Variants in PPP6R1 observed in about 807,000 individuals in gnomAD.
PPP6R1 encodes the protein serine/threonine-protein phosphatase 6 regulatory subunit 1.
Under a neutral mutation model 104.6 loss-of-function variants are expected in PPP6R1, and 39 were observed. The ratio of observed to expected loss-of-function variants is 0.37; its 90% CI spans 0.29 to 0.49. The LOEUF is 0.49. Among genes scored for constraint, PPP6R1 ranks in the 20% least tolerant of loss-of-function variants. The probability of loss-of-function intolerance (pLI) is 0.98; values close to 1 mark genes in which losing one functional copy is unlikely to be tolerated. For missense variants in PPP6R1, 1,181 were observed against 1,155.8 expected (o/e 1.02, Z -0.32); for synonymous variants, 549 against 479.0 (o/e 1.15, Z -1.91).
downstream of PPP6R1, chr19:55,228,840 T>A: frequency 1.6e-6 from 2 of 1,230,250 alleles, no homozygotes; most frequent in South Asian, 2.6e-5. Context: ...AGGAGCGTCC[T>A]GTGGACTCTG....
Position 55,258,510 on chromosome 19 carries a change from C to G in PPP6R1, c.-82G>C, listed in dbSNP as rs894757050. 6.7e-6 allele frequency: 1 copy of G among 149,890 alleles called. No individual in the cohort carries two copies. The highest frequency in any genetic ancestry group is 1.5e-5 in the Non-Finnish European group (1 of 67,270). 9.3% of individuals were successfully genotyped at this position (149,890 alleles called of 1,614,324 possible). A position where few individuals can be genotyped will look rare whatever the true frequency, so the allele number is the denominator to read the frequency against. ...CCCCCCGCCCCGCCGCCGGCGGCTC[C>G]GGCCCCTGCTGCGGGGCCCGGTGAG... is the stretch of plus-strand genomic sequence containing the variant. On this transcript the variant is annotated 5_prime_UTR_variant, in exon 1 of 24. Coordinates refer to ENST00000412770, the MANE Select transcript of PPP6R1 (RefSeq NM_014931.4).
chr19:55,253,339 GC>G (rs1314764480), intron 1 of PPP6R1, among the ~76,000 whole-genome samples: 2 of 152,234 alleles, frequency 1.3e-5, no homozygotes, highest in African/African-American at 4.8e-5. Flanking sequence ...TCACACTGAG[GC>G]CCACCGTTCA....
rs1360484989 is a variant in PPP6R1, at chr19:55,245,659, C to T, written c.247G>A (p.Glu83Lys). 7 of 1,607,638 alleles carry T rather than the reference C, an allele frequency of 4.4e-6. No individual in the cohort carries two copies. The highest frequency in any genetic ancestry group is 2.2e-5 in the East Asian group (1 of 44,856). ...TGGGGCACATCTGAGGTCAGAATCT[C>T]GCAGGCCACACTGGGGTACCTGGGA... ...LRYKYPSVAC[E>K]ILTSDVPQIN... is the part of the protein sequence containing the mutation. Residue 83 changes from glutamate (E) to lysine (K), a missense_variant, in exon 3 of 24, where the codon GAG becomes AAG. Coordinates refer to ENST00000412770, the MANE Select transcript of PPP6R1 (RefSeq NM_014931.4). This position sits in a 1 kb window ranked among gnomAD's most constrained non-coding sequence, Gnocchi z 6.4.
chr19:55,256,097 A>G (rs927591216), intron 1 of PPP6R1, among the ~76,000 whole-genome samples: 3 of 152,214 alleles, frequency 2.0e-5, no homozygotes, highest in Admixed American at 1.3e-4. Flanking sequence ...AAAAATGGGC[A>G]GGGGGACCAG....
intron 19 of PPP6R1, 54 bp from the exon 20 acceptor site, chr19:55,231,722 T>C (rs2122514507): frequency 1.3e-6 from 2 of 1,524,690 alleles, no homozygotes; most frequent in Non-Finnish European, 8.8e-7. Flanking sequence ...CACTCGAGCC[T>C]ATGAGAGGAC....
At chr19:55,235,184 G>A (rs1024665818) in intron 17 of PPP6R1, among the ~76,000 whole-genome samples, 15 of 150,900 alleles carry the variant, frequency 9.9e-5, no homozygotes, top group African/African-American at 2.7e-4. Flanking sequence ...TCATCACAGC[G>A]ACTCTGGGGC....
At chr19:55,239,717 A>T in intron 13 of PPP6R1, 34 bp from the exon 14 acceptor site, 1 of 1,591,034 alleles carries the variant, frequency 6.3e-7, no homozygotes. Flanking sequence ...GGCCTGCTGG[A>T]GCCCCCAGAC....
Position 55,239,883 on chromosome 19 carries a change from C to T in PPP6R1, c.1506G>A (p.Trp502Ter). The change falls in exon 13 of 24, where the codon TGG (tryptophan) becomes TGA (stop). Residue 502 changes from tryptophan (W) to a stop codon, truncating the protein, a stop_gained. Coordinates refer to ENST00000412770, the MANE Select transcript of PPP6R1 (RefSeq NM_014931.4). LOFTEE classifies it high-confidence loss of function. ...CCAGGGGCCCCGATACGAAGGCTTC[C>T]CACTGCTCCTGCTGCTCGCTGGGCA... ...KELPSEQQEQ[W>*]EAFVSGPLAE... is the part of the protein sequence containing the mutation. 6.2e-7 allele frequency: 1 copy of T among 1,613,932 alleles called. No individual in the cohort carries two copies. Among genetic ancestry groups the T allele is most frequent in the Non-Finnish European group, 8.5e-7 (1 of 1,179,870 alleles).
chr19:55,243,404 C>CAAAAAAAAAAAAAAAAAA (rs58375899), intron 5 of PPP6R1, among the ~76,000 whole-genome samples: 19 of 49,124 alleles, frequency 3.9e-4, no homozygotes, highest in African/African-American at 1.1e-3. Flanking sequence ...GACTCCATCT[C>CAAAAAAAAAAAAAAAAAA]AAAAAAAAAA....
rs1216843374 is a variant in PPP6R1 at position 55,245,986 on chromosome 19, G to A, written c.228-308C>T. ...ACACTCATCCCTTTTGCCTCTCAGC[G>A]GCTTCACTTGCAACCCCGTATGCTG... On this transcript the variant is annotated intron_variant, in intron 2 of 23. Coordinates refer to ENST00000412770, the MANE Select transcript of PPP6R1 (RefSeq NM_014931.4). The surrounding 1 kb of genome is among the most constrained non-coding windows in gnomAD (Gnocchi z 6.4). 2.6e-5 allele frequency among the ~76,000 whole-genome samples: 4 copies of A among 152,080 alleles called. No homozygotes were observed. Among genetic ancestry groups the A allele is most frequent in the East Asian group, 1.9e-4 (1 of 5,188 alleles).
chr19:55,248,644 T>A (rs976053680), intron 1 of PPP6R1, among the ~76,000 whole-genome samples: 1 of 151,960 alleles, frequency 6.6e-6, no homozygotes, highest in African/African-American at 2.4e-5. Flanking sequence ...GCCTCCACCA[T>A]CTCCTCGAGC....
At chr19:55,253,916 AG>A (rs2087572887) in intron 1 of PPP6R1, among the ~76,000 whole-genome samples, 1 of 152,210 alleles carries the variant, frequency 6.6e-6, no homozygotes, top group South Asian at 2.1e-4. Flanking sequence ...AAGGAGACAC[AG>A]CCCACCAGGG....
At chr19:55,242,608 GA>G in intron 5 of PPP6R1, 120 bp from the exon 6 acceptor site, 1 of 806,808 alleles carries the variant, frequency 1.2e-6, no homozygotes, top group South Asian at 1.5e-5. Flanking sequence ...CAGACACAGG[GA>G]CACGTGTTAC....
intron 17 of PPP6R1, among the ~76,000 whole-genome samples, chr19:55,234,809 CAG>C (rs373177107): frequency 6.6e-6 from 1 of 152,172 alleles, no homozygotes; most frequent in African/African-American, 2.4e-5. Context: ...AGCTCACAAG[CAG>C]AGTGTTGAGC....
rs2087455423 is a variant in PPP6R1, at chr19:55,241,342, T to C, written c.1058A>G (p.Asn353Ser). ...TWGMLAPPLG[N>S]TRLHVVKLLA... Reference sequence around the variant, plus strand: ...GAGCTTGACCACGTGCAGCCGCGTGTTGCCCAGAGGCGGAGCCAGCATGCC... The same window carrying C: ...GAGCTTGACCACGTGCAGCCGCGTGCTGCCCAGAGGCGGAGCCAGCATGCC... Residue 353 changes from asparagine (N) to serine (S), a missense_variant, in exon 9 of 24, where the codon AAC becomes AGC. Asn to Ser is a conservative substitution (Grantham distance 46). Around this residue, in one of 2 missense-constraint regions of PPP6R1, gnomAD observed 1,042 missense variants for 955.6 expected, o/e 1.09. Coordinates refer to ENST00000412770, the MANE Select transcript of PPP6R1 (RefSeq NM_014931.4). The surrounding 1 kb of genome is among the most constrained non-coding windows in gnomAD (Gnocchi z 5.4). 3.7e-6 allele frequency: 6 copies of C among 1,611,738 alleles called. No individual in the cohort carries two copies. Among genetic ancestry groups the C allele is most frequent in the Admixed American group, 1.7e-5 (1 of 59,974 alleles).
intron 17 of PPP6R1, among the ~76,000 whole-genome samples, chr19:55,235,515 A>ATTTC (rs772511646): frequency 6.9e-6 from 1 of 145,526 alleles, no homozygotes; most frequent in African/African-American, 2.5e-5. Flanking sequence ...TTTGAATTAG[A>ATTTC]TTCCTTTTTT....
intron 15 of PPP6R1, 119 bp from the exon 16 acceptor site, chr19:55,237,089 T>TACCAA: frequency 9.2e-7 from 1 of 1,086,736 alleles, no homozygotes; most frequent in African/African-American, 1.6e-5. Context: ...GCAGATTTGG[T>TACCAA]ATCTGCAAAT....
Position 55,230,230 on chromosome 19 carries a change from C to T in PPP6R1, c.*298G>A, listed in dbSNP as rs748659211. On this transcript the variant is annotated 3_prime_UTR_variant, in exon 24 of 24. Transcript: ENST00000412770. ...CCAGTTCGGTGTCCTCACTCTCTCT[C>T]GCTCTCCTCCCTCTCTCTATATAAT... The T allele has an allele frequency of 9.5e-5, 41 of 430,878 alleles. No homozygotes were observed. Among genetic ancestry groups the T allele is most frequent in the Non-Finnish European group, 1.5e-4 (35 of 238,922 alleles). 26.7% of individuals were successfully genotyped at this position (430,878 alleles called of 1,614,324 possible). A position where few individuals can be genotyped will look rare whatever the true frequency, so the allele number is the denominator to read the frequency against.
chr19:55,234,733 C>T (rs988056308), intron 17 of PPP6R1, among the ~76,000 whole-genome samples: 1 of 152,206 alleles, frequency 6.6e-6, no homozygotes, highest in Admixed American at 6.5e-5. Context: ...TCAGCTGCAG[C>T]TCATCATGCA....
Sources: gnomAD v4.1 joint callset for allele counts (sites outside exome capture counted in the v4.1 genomes callset) on GRCh38, gnomAD v4.1.1 for gene constraint, gnomAD v4.1.1 regional missense constraint, Gnocchi (gnomAD v3.1) non-coding constraint, MANE v1.5 for transcripts, NCBI Gene and HGNC (gene_info 2026-07-23, HGNC 2026-07-21) for gene names.